Variants in CBLN1 observed in about 807,000 individuals in gnomAD.
The protein encoded by CBLN1 is cerebellin 1 precursor.
Under a neutral mutation model 15.9 loss-of-function variants are expected in CBLN1, and 5 were observed. The ratio of observed to expected loss-of-function variants is 0.31; its 90% CI spans 0.16 to 0.66. CBLN1 has a LOEUF of 0.66. Ranked by LOEUF, CBLN1 falls within the 30% of genes least tolerant of loss-of-function variation. The pLI, the probability that CBLN1 is intolerant of heterozygous loss-of-function variation, is 0.75. For missense variants in CBLN1, 164 were observed against 253.7 expected (o/e 0.65, Z 2.40); for synonymous variants, 90 against 107.6 (o/e 0.84, Z 1.01).
chr16:49,281,144 C>T, intron 1 of CBLN1, 58 bp downstream of exon 1: 1 of 1,614,072 alleles, frequency 6.2e-7, no homozygotes, highest in Non-Finnish European at 8.5e-7. Flanking sequence ...CATCGGTCTT[C>T]CATCCATCCC....
rs1408749603 is a variant in CBLN1 at position 49,279,554 on chromosome 16, A to T, written c.432T>A (p.Gly144=). ...CGGCCTCCCGGGTCACGTCCTGGTCACCAGCGAAGGCTGAAATCACCGGCC... is the reference window on the plus strand; with the variant it reads ...CGGCCTCCCGGGTCACGTCCTGGTCTCCAGCGAAGGCTGAAATCACCGGCC... ...NGWPVISAFA[G]DQDVTREAAS... Residue 144 remains glycine (G), a synonymous_variant, in exon 3 of 3, where the codon GGT becomes GGA. Transcript: ENST00000219197. 5 of 1,614,072 alleles carry T rather than the reference A, an allele frequency of 3.1e-6. No individual in the cohort carries two copies. Among genetic ancestry groups the T allele is most frequent in the Non-Finnish European group, 3.4e-6 (4 of 1,180,050 alleles).
intron 2 of CBLN1, among the ~76,000 whole-genome samples, chr16:49,280,009 G>T (rs72776741): frequency 1.2e-3 from 183 of 152,198 alleles, no homozygotes; most frequent in Non-Finnish European, 2.0e-3. Flanking sequence ...CAGCAACTCA[G>T]GCTCCTTCTG....
rs886995459 is a variant in CBLN1, at chr16:49,278,822, T to C, written c.*582A>G. The stretch of plus-strand genomic sequence containing the variant: ...TCACCACTAAGGTGAGTCCTTTCTC[T>C]GCTAACAAGCAGCCGAGGATACTAA... On this transcript the variant is annotated 3_prime_UTR_variant, in exon 3 of 3. Transcript: ENST00000219197. The C allele has an allele frequency of 6.6e-5, 10 of 152,628 alleles. No homozygotes were observed. The highest frequency in any genetic ancestry group is 2.4e-4 in the African/African-American group (10 of 41,466). 9.5% of individuals were successfully genotyped at this position (152,628 alleles called of 1,614,324 possible). A position where few individuals can be genotyped will look rare whatever the true frequency, so the allele number is the denominator to read the frequency against.
At position 49,281,438 on chromosome 16, in the gene CBLN1, G is replaced by C; in HGVS notation, c.28C>G (p.Leu10Val). Residue 10 changes from leucine (L) to valine (V), a missense_variant, in exon 1 of 3, where the codon CTG becomes GTG. Transcript: ENST00000219197. ...GGGCCCGCCAGCCACGCAGCCCCCA[G>C]CAGCAGCAGCTCCAGGACGCCCAGC... is the stretch of plus-strand genomic sequence containing the variant. MLGVLELLL[L>V]GAAWLAGPAR... 6.3e-7 allele frequency: 1 copy of C among 1,582,870 alleles called. No homozygotes were observed.
Position 49,278,653 on chromosome 16 carries a change from G to A in CBLN1, c.*751C>T, listed in dbSNP as rs1303943964. On this transcript the variant is annotated 3_prime_UTR_variant, in exon 3 of 3. Transcript: ENST00000219197. ...GTTTCGTGGAGTCACAGAGCACGAC[G>A]GCATTGACAAGCATCAGAACATCAA... is the stretch of plus-strand genomic sequence containing the variant. 1 of 152,226 alleles carries A rather than the reference G, an allele frequency of 6.6e-6. No homozygotes were observed. Among genetic ancestry groups the A allele is most frequent in the Non-Finnish European group, 1.5e-5 (1 of 68,054 alleles). 9.4% of individuals were successfully genotyped at this position (152,226 alleles called of 1,614,324 possible).
In CBLN1 at chr16:49,279,536, C is replaced by T. The variant is rs992143251; in HGVS notation, c.450G>A (p.Arg150=). The T allele has an allele frequency of 7.4e-6, 12 of 1,614,078 alleles. No homozygotes were observed. The highest frequency in any genetic ancestry group is 1.6e-4 in the Middle Eastern group (1 of 6,084). Residue 150 remains arginine (R), a synonymous_variant, in exon 3 of 3, where the codon CGG becomes CGA. Transcript: ENST00000219197. ...TTAGGACTCCGTTGCTGGCGGCCTC[C>T]CGGGTCACGTCCTGGTCACCAGCGA... is the stretch of plus-strand genomic sequence containing the variant. ...SAFAGDQDVT[R]EAASNGVLIQ... is the part of the protein sequence containing the mutation.
At position 49,279,581 on chromosome 16, in the gene CBLN1, C is replaced by A; in HGVS notation, c.405G>T (p.Gly135=). 2.5e-6 allele frequency: 4 copies of A among 1,614,238 alleles called. No individual in the cohort carries two copies. The highest frequency in any genetic ancestry group is 3.4e-6 in the Non-Finnish European group (4 of 1,180,052). The change falls in exon 3 of 3, where the codon GGG becomes GGT. Residue 135 remains glycine, a synonymous_variant. Transcript: ENST00000219197. ...CAGCGAAGGCTGAAATCACCGGCCA[C>A]CCGTTTAGCATGAGGCTCACCTGAG... The part of the protein sequence containing the change: ...QTIQVSLMLN[G]WPVISAFAGD...
At chr16:49,280,829 G>A in intron 2 of CBLN1, 94 bp downstream of exon 2, 3 of 1,422,538 alleles carry the variant, frequency 2.1e-6, no homozygotes, top group Non-Finnish European at 3.0e-6. Context: ...ACATGCAGCC[G>A]CCACTTCTGC....
chr16:49,280,890 G>GGGGCCA, intron 2 of CBLN1, 33 bp downstream of exon 2: 1 of 1,613,840 alleles, frequency 6.2e-7, no homozygotes, highest in Admixed American at 1.7e-5. Flanking sequence ...ACCCCCCTAC[G>GGGGCCA]GGGCCAGGGC....
intron 1 of CBLN1, 67 bp from the exon 2 acceptor site, chr16:49,281,109 C>T (rs1963280022): frequency 8.1e-6 from 13 of 1,614,076 alleles, no homozygotes; most frequent in Non-Finnish European, 1.1e-5. Context: ...CCCGCGCCTC[C>T]GCAGAGCCCT....
At position 49,281,810 on chromosome 16, in the gene CBLN1, AGCCGGCGC is replaced by A; in HGVS notation, c.-353_-346del. 4.4e-6 allele frequency: 1 copy of A among 226,972 alleles called. No individual in the cohort carries two copies. Among genetic ancestry groups the A allele is most frequent in the African/African-American group, 2.3e-5 (1 of 43,412 alleles). The allele number at this position is 226,972 out of a possible 1,614,324, so 14.1% of individuals were successfully genotyped here. On this transcript the variant is annotated 5_prime_UTR_variant, in exon 1 of 3. The change creates a new upstream start codon in the 5' untranslated region. Transcript: ENST00000219197. ...CGCCGCCGCTCTGAATTATTGATGC[AGCCGGCGC>A]TGCAGCCGGAGCGGGCGGAGAGCGC...
rs1457419936 is a variant in CBLN1, at chr16:49,278,776, T to C, written c.*628A>G. 1 of 152,222 alleles carries C rather than the reference T, an allele frequency of 6.6e-6. No individual in the cohort carries two copies. The highest frequency in any genetic ancestry group is 1.5e-5 in the Non-Finnish European group (1 of 68,088). The allele number at this position is 152,222 out of a possible 1,614,324, so 9.4% of individuals were successfully genotyped here. A position where few individuals can be genotyped will look rare whatever the true frequency, so the allele number is the denominator to read the frequency against. ...GAGTTCTTCGTATACAAATGATATA[T>C]ATTTATATTTTTTAAACCAGTCACC... is the stretch of plus-strand genomic sequence containing the variant. On this transcript the variant is annotated 3_prime_UTR_variant, in exon 3 of 3. Coordinates refer to ENST00000219197, the MANE Select transcript of CBLN1 (RefSeq NM_004352.4).
Position 49,278,331 on chromosome 16 carries a change from T to C in CBLN1, c.*1073A>G, listed in dbSNP as rs1405370381. 6.6e-6 allele frequency: 1 copy of C among 152,256 alleles called. No homozygotes were observed. Among genetic ancestry groups the C allele is most frequent in the African/African-American group, 2.4e-5 (1 of 41,454 alleles). 9.4% of individuals were successfully genotyped at this position (152,256 alleles called of 1,614,324 possible). A position where few individuals can be genotyped will look rare whatever the true frequency, so the allele number is the denominator to read the frequency against. Reference sequence around the variant, plus strand: ...CGCCAAAGCTGTGAACACAGGCGAATGCAGTGCTGGTCCCCGGCCTGGCGC... The same window carrying C: ...CGCCAAAGCTGTGAACACAGGCGAACGCAGTGCTGGTCCCCGGCCTGGCGC... On this transcript the variant is annotated 3_prime_UTR_variant, in exon 3 of 3. Coordinates refer to ENST00000219197, the MANE Select transcript of CBLN1 (RefSeq NM_004352.4).
rs771841084 is a variant in CBLN1, at chr16:49,280,908, G to C, written c.384+15C>G. ...CCCCTACGGGGCCAGGGCCCGGCAC[G>C]AGGCGTCGGCTGACCTGTATGGTTT... is the stretch of plus-strand genomic sequence containing the variant. On this transcript the variant is annotated intron_variant, in intron 2 of 2. Transcript: ENST00000219197. 1.4e-5 allele frequency: 23 copies of C among 1,614,034 alleles called. No homozygotes were observed. The Admixed American group carries it at 1.7e-4, about 12-fold the overall frequency.
intron 2 of CBLN1, 115 bp from the exon 3 acceptor site, chr16:49,279,716 A>AGGTGGGG (rs1555484618): frequency 6.7e-6 from 1 of 149,566 alleles, no homozygotes; most frequent in Non-Finnish European, 1.2e-5. Flanking sequence ...AAGCACGGAG[A>AGGTGGGG]GGTGGGGGGT....
In CBLN1 at chr16:49,281,751, G is replaced by T. The variant is rs931227797; in HGVS notation, c.-286C>A. On this transcript the variant is annotated 5_prime_UTR_variant, in exon 1 of 3. Coordinates refer to ENST00000219197, the MANE Select transcript of CBLN1 (RefSeq NM_004352.4). ...GCTGCTGCTCGGTCCCGCTGCTGCC[G>T]CCGCCTCCTGCCCGCACCCGCCGCT... 13 of 335,040 alleles carry T rather than the reference G, an allele frequency of 3.9e-5. No homozygotes were observed. The highest frequency in any genetic ancestry group is 1.5e-4 in the Admixed American group (3 of 20,322). 20.8% of individuals were successfully genotyped at this position (335,040 alleles called of 1,614,324 possible). A position where few individuals can be genotyped will look rare whatever the true frequency, so the allele number is the denominator to read the frequency against.
Position 49,280,907 on chromosome 16 carries a change from C to A in CBLN1, c.384+16G>T. On this transcript the variant is annotated intron_variant, in intron 2 of 2. Coordinates refer to ENST00000219197, the MANE Select transcript of CBLN1 (RefSeq NM_004352.4). ...CCCCCTACGGGGCCAGGGCCCGGCA[C>A]GAGGCGTCGGCTGACCTGTATGGTT... The A allele has an allele frequency of 6.2e-7, 1 of 1,614,158 alleles. No individual in the cohort carries two copies. Among genetic ancestry groups the A allele is most frequent in the Non-Finnish European group, 8.5e-7 (1 of 1,179,996 alleles).
intron 2 of CBLN1, among the ~76,000 whole-genome samples, 160 bp downstream of exon 2, chr16:49,280,763 G>C (rs1474955110): frequency 6.6e-6 from 1 of 152,212 alleles, no homozygotes; most frequent in African/African-American, 2.4e-5. Flanking sequence ...GCAGAGGACA[G>C]TTGAAGCCAC....
chr16:49,281,313 C>T lies in CBLN1; in HGVS notation c.153G>A (p.Leu51=), dbSNP rs1567334340. Residue 51 remains leucine (L), a synonymous_variant, in exon 1 of 3, where the codon CTG becomes CTA. Transcript: ENST00000219197. ...NPTSDPTGTA[L]GISVRSGSAK... ...CGCTGCCAGAGCGCACAGAGATGCC[C>T]AGGGCAGTGCCCGTGGGGTCGGACG... is the stretch of plus-strand genomic sequence containing the variant. 4 of 1,613,576 alleles carry T rather than the reference C, an allele frequency of 2.5e-6. No individual in the cohort carries two copies. The highest frequency in any genetic ancestry group is 3.4e-6 in the Non-Finnish European group (4 of 1,180,028).
Sources: allele counts gnomAD v4.1 joint callset (sites outside exome capture counted in the v4.1 genomes callset), GRCh38; gene constraint gnomAD v4.1.1; transcripts MANE v1.5; gene names NCBI Gene and HGNC (gene_info 2026-07-23, HGNC 2026-07-21).